The following PLXNA4 variants were observed in gnomAD, a reference collection of about 807,000 sequenced individuals.
PLXNA4 encodes plexin-A4.
Under a neutral mutation model 191.8 loss-of-function variants are expected in PLXNA4, and 44 were observed. The ratio of observed to expected loss-of-function variants is 0.23; its 90% CI spans 0.18 to 0.29. PLXNA4 has a LOEUF of 0.29. Ranked by LOEUF, PLXNA4 falls within the 10% of genes least tolerant of loss-of-function variation. The pLI, the probability that PLXNA4 is intolerant of heterozygous loss-of-function variation, is 1.00. For synonymous variants in PLXNA4, 1,082 were observed against 1,009.5 expected, an observed-to-expected ratio of 1.07 and a Z score of -1.36; for missense variants, 1,800 against 2,488.8, an observed-to-expected ratio of 0.72 and a Z score of 5.89.
At chr7:132,367,425 G>C (rs575136723) in intron 3 of PLXNA4, among the ~76,000 whole-genome samples, 1 of 152,010 alleles carries the variant, frequency 6.6e-6, no homozygotes, top group Middle Eastern at 3.2e-3. Context: ...ATACACACTC[G>C]GGAGTGAGGT....
intron 4 of PLXNA4, among the ~76,000 whole-genome samples, chr7:132,263,774 C>T (rs1358128148): frequency 1.3e-5 from 2 of 152,172 alleles, no homozygotes; most frequent in Non-Finnish European, 2.9e-5. Context: ...TAACCTTTCT[C>T]ATCTGTCACA....
At chr7:132,216,226 CA>C (rs1193059207) in intron 9 of PLXNA4, among the ~76,000 whole-genome samples, 6 of 152,208 alleles carry the variant, frequency 3.9e-5, no homozygotes, top group Non-Finnish European at 8.8e-5. Context: ...TTGTGTTAAG[CA>C]TAGAGAAGAA....
chr7:132,501,132 C>T (rs1798232545), intron 2 of PLXNA4, among the ~76,000 whole-genome samples: 1 of 152,112 alleles, frequency 6.6e-6, no homozygotes, highest in African/African-American at 2.4e-5. Flanking sequence ...ATTGTACTTG[C>T]TGCTGAGCAG....
chr7:132,163,739 A>G (rs549701981), intron 24 of PLXNA4, among the ~76,000 whole-genome samples: 2 of 151,880 alleles, frequency 1.3e-5, no homozygotes, highest in South Asian at 2.1e-4. Flanking sequence ...CTTCAGAGCT[A>G]TGAGTAACTC....
At chr7:132,454,865 G>A (rs1005123807) in intron 3 of PLXNA4, among the ~76,000 whole-genome samples, 8 of 152,094 alleles carry the variant, frequency 5.3e-5, no homozygotes, top group African/African-American at 1.9e-4. Context: ...AATAAATGTG[G>A]GAGCCACCCA....
chr7:132,308,179 C>T (rs1265354641), intron 3 of PLXNA4, among the ~76,000 whole-genome samples: 1 of 152,098 alleles, frequency 6.6e-6, no homozygotes, highest in African/African-American at 2.4e-5. Flanking sequence ...GGAAAAGGTT[C>T]AAACCAGCAA....
intron 4 of PLXNA4, among the ~76,000 whole-genome samples, chr7:132,293,594 A>G (rs559172394): frequency 1.3e-5 from 2 of 152,352 alleles, no homozygotes; most frequent in East Asian, 3.9e-4. Context: ...ACCAGGACAA[A>G]AAGGTTGTTT....
At chr7:132,326,513 T>G (rs1409841144) in intron 3 of PLXNA4, among the ~76,000 whole-genome samples, 4 of 151,970 alleles carry the variant, frequency 2.6e-5, no homozygotes, top group African/African-American at 9.7e-5. Context: ...CCCTGCTCAT[T>G]TCCCGTCCTT....
chr7:132,230,422 A>G (rs1256348006), intron 5 of PLXNA4, among the ~76,000 whole-genome samples: 1 of 152,162 alleles, frequency 6.6e-6, no homozygotes, highest in African/African-American at 2.4e-5. Flanking sequence ...TTTGCCTGGC[A>G]CTGGGAAGCA....
At chr7:132,480,425 A>G (rs903854509) in intron 3 of PLXNA4, among the ~76,000 whole-genome samples, 10 of 152,244 alleles carry the variant, frequency 6.6e-5, no homozygotes, top group Non-Finnish European at 8.8e-5. Flanking sequence ...ACCCGTGATT[A>G]GGAAGAAGCT....
upstream of PLXNA4, chr7:132,576,498 C>T (rs533426861): frequency 1.7e-4 from 168 of 985,274 alleles, no homozygotes; most frequent in African/African-American, 2.5e-3. The surrounding 1 kb of genome is among the most constrained non-coding windows in gnomAD (Gnocchi z 5.8). Flanking sequence ...CGCTGCCTCT[C>T]GCCCTCCTCT....
chr7:132,384,123 A>G (rs1805014575), intron 3 of PLXNA4: 2 of 985,248 alleles, frequency 2.0e-6, no homozygotes, highest in South Asian at 4.7e-5. Flanking sequence ...GGTTCTCAAG[A>G]GCCCTCCTGA....
intron 3 of PLXNA4, among the ~76,000 whole-genome samples, chr7:132,423,676 A>G (rs1156338337): frequency 6.6e-6 from 1 of 152,194 alleles, no homozygotes; most frequent in African/African-American, 2.4e-5. Context: ...ACAACAGCAC[A>G]GGGTTTTAAA....
At chr7:132,594,906 GATA>G (rs1802668965) in intron 2 of PLXNA4, among the ~76,000 whole-genome samples, 1 of 123,994 alleles carries the variant, frequency 8.1e-6, no homozygotes, top group South Asian at 2.8e-4. Context: ...GACATAGATA[GATA>G]GGTAGATAGA....
intron 30 of PLXNA4, among the ~76,000 whole-genome samples, chr7:132,136,633 T>G (rs997990509): frequency 6.6e-6 from 1 of 152,170 alleles, no homozygotes. Flanking sequence ...TCTGTGGATT[T>G]CTATGGGGTA....
At chr7:132,404,972 A>G (rs975676870) in intron 3 of PLXNA4, among the ~76,000 whole-genome samples, 1 of 152,048 alleles carries the variant, frequency 6.6e-6, no homozygotes, top group Non-Finnish European at 1.5e-5. Flanking sequence ...CTTGTTGTGA[A>G]GGATCTGAGT....
chr7:132,218,630 G>C (rs1049476980), intron 9 of PLXNA4, among the ~76,000 whole-genome samples: 1 of 152,208 alleles, frequency 6.6e-6, no homozygotes, highest in Non-Finnish European at 1.5e-5. Context: ...GGAGGTCCAG[G>C]TTGGCCTGTG....
At chr7:132,140,425 CA>C (rs1425618960) in intron 30 of PLXNA4, among the ~76,000 whole-genome samples, 173 bp downstream of exon 30, 1 of 152,130 alleles carries the variant, frequency 6.6e-6, no homozygotes, top group Non-Finnish European at 1.5e-5. Flanking sequence ...ATTCTGGTTT[CA>C]GGGGACAGCA....
At chr7:132,609,550 G>A (rs749751422) in intron 2 of PLXNA4, among the ~76,000 whole-genome samples, 1 of 152,152 alleles carries the variant, frequency 6.6e-6, no homozygotes, top group African/African-American at 2.4e-5. Context: ...GGGGGTTGGT[G>A]GCCATTACCA....
Sources: gnomAD v4.1 joint callset for allele counts (sites outside exome capture counted in the v4.1 genomes callset) on GRCh38, gnomAD v4.1.1 for gene constraint, Gnocchi (gnomAD v3.1) non-coding constraint, MANE v1.5 for transcripts, NCBI Gene and HGNC (gene_info 2026-07-23, HGNC 2026-07-21) for gene names.